MBP: variants seen among roughly 807,000 people sequenced by gnomAD.
MBP encodes Golli-MBP.
In MBP, 16 loss-of-function variants were observed where a neutral mutation model predicts 35.8. That is an observed-to-expected ratio of 0.45 (90% confidence interval 0.30 to 0.68). The LOEUF (loss-of-function observed/expected upper bound fraction) is 0.68, where lower values mean the gene tolerates loss of function less well. Among genes scored for constraint, MBP ranks in the 30% least tolerant of loss-of-function variants. The pLI is 0.08. For synonymous variants in MBP, 143 were observed against 159.6 expected (o/e 0.90, Z 0.78); for missense variants, 380 against 404.7 (o/e 0.94, Z 0.52).
intron 3 of MBP, among the ~76,000 whole-genome samples, chr18:77,021,656 T>C (rs1225555373): frequency 6.6e-6 from 1 of 152,102 alleles, no homozygotes; most frequent in Non-Finnish European, 1.5e-5. Flanking sequence ...GCTAATTTTT[T>C]GTATTTTTAG....
At chr18:77,034,956 G>A (rs1336731198) in intron 3 of MBP, among the ~76,000 whole-genome samples, 2 of 152,212 alleles carry the variant, frequency 1.3e-5, no homozygotes, top group Admixed American at 6.5e-5. Context: ...CTTTGAAAAA[G>A]CACTGCTCCG....
chr18:77,029,365 A>C lies in MBP; in HGVS notation c.140-12097T>G, dbSNP rs373326019. ...CAGTGAGCCGAGATGGCAGCAGTAC[A>C]GTCCAGCTTCGGCTCGGCATCAGAG... On this transcript the variant is annotated intron_variant, in intron 3 of 8. Coordinates refer to ENST00000355994, the MANE Select transcript of MBP (RefSeq NM_001025101.2). Among the ~76,000 whole-genome samples, 121 of 145,086 alleles carry C rather than the reference A, an allele frequency of 8.3e-4. 1 individual carries two copies. Among genetic ancestry groups the C allele is most frequent in the Admixed American group, 4.1e-4 (6 of 14,542 alleles).
chr18:77,075,475 C>T (rs888874078), intron 2 of MBP, among the ~76,000 whole-genome samples: 1 of 152,196 alleles, frequency 6.6e-6, no homozygotes, highest in East Asian at 1.9e-4. Flanking sequence ...GTCCTCTGTC[C>T]CCTCCAGGAG....
chr18:77,046,857 G>A (rs959560912), intron 3 of MBP, among the ~76,000 whole-genome samples: 2 of 152,198 alleles, frequency 1.3e-5, no homozygotes, highest in Admixed American at 6.5e-5. Context: ...TTTAAAGACA[G>A]ATAACTGGAC....
chr18:77,085,441 G>A (rs1169238661), intron 2 of MBP, among the ~76,000 whole-genome samples: 1 of 152,178 alleles, frequency 6.6e-6, no homozygotes, highest in Non-Finnish European at 1.5e-5. Context: ...TAGGCAGAAT[G>A]ATATTTTCTA....
intron 2 of MBP, among the ~76,000 whole-genome samples, chr18:77,081,138 C>T (rs960866783): frequency 6.6e-6 from 1 of 152,178 alleles, no homozygotes; most frequent in African/African-American, 2.4e-5. Context: ...TTACCTCAGT[C>T]CTTAAAACAA....
chr18:76,990,057 A>C lies in MBP; in HGVS notation c.580T>G (p.Ser194Ala), dbSNP rs752895756. The change falls in exon 5 of 9, where the codon TCA becomes GCA. Residue 194 changes from serine to alanine, a missense_variant. By Grantham distance (99) the Ser-to-Ala change is moderately conservative. Coordinates refer to ENST00000355994, the MANE Select transcript of MBP (RefSeq NM_001025101.2). ...TGAGCAGTTCTTGCCGGGTGGTGTGAGTCCTGAAACACAGAGGCGCGGTGA... is the reference window on the plus strand; with the variant it reads ...TGAGCAGTTCTTGCCGGGTGGTGTGCGTCCTGAAACACAGAGGCGCGGTGA... Reference protein sequence around the residue: ...GAPKRGSGKDSHHPARTAHYG... With the variant: ...GAPKRGSGKDAHHPARTAHYG... 1.2e-6 allele frequency: 2 copies of C among 1,611,086 alleles called. No individual in the cohort carries two copies. Among genetic ancestry groups the C allele is most frequent in the South Asian group, 2.2e-5 (2 of 90,722 alleles).
At chr18:77,076,987 A>G (rs759917249) in intron 2 of MBP, among the ~76,000 whole-genome samples, 2 of 152,168 alleles carry the variant, frequency 1.3e-5, no homozygotes, top group Non-Finnish European at 2.9e-5. Flanking sequence ...AGTACCTCTT[A>G]TTGTTATCAG....
chr18:77,057,945 G>A (rs1315666825), intron 3 of MBP, among the ~76,000 whole-genome samples: 1 of 44,042 alleles, frequency 2.3e-5, no homozygotes, highest in Non-Finnish European at 3.8e-5. Flanking sequence ...TCCTGCCTCA[G>A]CCTCCCGAGT....
At chr18:77,098,638 T>A (rs79290439) in intron 2 of MBP, among the ~76,000 whole-genome samples, 29,831 of 152,178 alleles carry the variant, frequency 0.2, 3,559 homozygotes, top group Middle Eastern at 0.33. Context: ...TCATGACACC[T>A]GCAGGGCTCA....
chr18:77,125,011 C>T (rs938435083), intron 1 of MBP, among the ~76,000 whole-genome samples: 2 of 152,178 alleles, frequency 1.3e-5, no homozygotes, highest in Admixed American at 6.5e-5. Context: ...TCTGAGGTCC[C>T]GGCTCCTGCC....
chr18:77,022,281 G>T (rs1972019601), intron 3 of MBP, among the ~76,000 whole-genome samples: 1 of 152,174 alleles, frequency 6.6e-6, no homozygotes, highest in African/African-American at 2.4e-5. Context: ...GCACCCAAGG[G>T]ATTGCGTACG....
intron 3 of MBP, among the ~76,000 whole-genome samples, chr18:77,021,467 C>T (rs1971982373): frequency 6.6e-6 from 1 of 150,676 alleles, no homozygotes; most frequent in South Asian, 2.1e-4. Flanking sequence ...TAAAACAATG[C>T]CTGTGAAGAT....
chr18:77,106,766 T>C (rs1976292640), intron 1 of MBP, among the ~76,000 whole-genome samples: 1 of 152,020 alleles, frequency 6.6e-6, no homozygotes, highest in East Asian at 1.9e-4. Flanking sequence ...GCAATAATAG[T>C]TTGATATGTA....
chr18:77,112,274 G>A (rs577126376), intron 1 of MBP, among the ~76,000 whole-genome samples: 141 of 152,280 alleles, frequency 9.3e-4, no homozygotes, highest in African/African-American at 2.9e-3. Flanking sequence ...TCACCCAGGC[G>A]GGTGGCGGCA....
At chr18:77,081,749 C>CATAT (rs3056773) in intron 2 of MBP, among the ~76,000 whole-genome samples, 11 of 136,216 alleles carry the variant, frequency 8.1e-5, no homozygotes, top group Admixed American at 3.0e-4. Flanking sequence ...TTCATAGCAG[C>CATAT]ATATATATAT....
At chr18:77,009,770 C>T (rs2123399466) in intron 4 of MBP, 2 of 1,316,760 alleles carry the variant, frequency 1.5e-6, no homozygotes, top group Middle Eastern at 1.9e-4. Flanking sequence ...ACTACCTGCC[C>T]CGAGGGACAG....
Position 76,989,863 on chromosome 18 carries a change from C to CG in MBP, c.681+92dup. On this transcript the variant is annotated intron_variant, in intron 5 of 8. Transcript: ENST00000355994. This position sits in a 1 kb window ranked among gnomAD's most constrained non-coding sequence, Gnocchi z 4.0. ...CTGATGATGACCCCGGTGCCACCCC[C>CG]GAGCGTACGAACGTCCTGTGTGGAT... The CG allele has an allele frequency of 9.0e-7, 1 of 1,113,574 alleles. No homozygotes were observed. Among genetic ancestry groups the CG allele is most frequent in the Non-Finnish European group, 1.4e-6 (1 of 738,692 alleles). 69.0% of individuals were successfully genotyped at this position (1,113,574 alleles called of 1,614,324 possible). A position where few individuals can be genotyped will look rare whatever the true frequency, so the allele number is the denominator to read the frequency against.
intron 4 of MBP, chr18:77,002,965 T>TA (rs1200540647): frequency 6.6e-6 from 1 of 152,228 alleles, no homozygotes; most frequent in Non-Finnish European, 1.5e-5. Context: ...CTAGTATCTG[T>TA]AGACAAAGTC....
Sources: allele counts gnomAD v4.1 joint callset (sites outside exome capture counted in the v4.1 genomes callset), GRCh38; gene constraint gnomAD v4.1.1; non-coding constraint Gnocchi (gnomAD v3.1); transcripts MANE v1.5; gene names NCBI Gene and HGNC (gene_info 2026-07-23, HGNC 2026-07-21).